Variants in RNGTT observed in about 807,000 individuals in gnomAD.
RNGTT encodes RNA guanylyltransferase and 5'-phosphatase.
RNGTT carries 33 observed loss-of-function variants against 79.3 expected under a neutral mutation model. The ratio of observed to expected loss-of-function variants is 0.42; its 90% CI spans 0.32 to 0.56. RNGTT has a LOEUF of 0.56. Ranked by LOEUF, RNGTT falls within the 20% of genes least tolerant of loss-of-function variation. The pLI is 0.17. For synonymous variants in RNGTT, 222 were observed against 235.9 expected (o/e 0.94, Z 0.54); for missense variants, 497 against 739.1 (o/e 0.67, Z 3.80).
intron 11 of RNGTT, among the ~76,000 whole-genome samples, chr6:88,828,688 C>T (rs1216059515): frequency 1.3e-5 from 2 of 151,644 alleles, no homozygotes; most frequent in African/African-American, 4.8e-5. Context: ...GTTTAGAGAA[C>T]ATACATGACC....
At chr6:88,701,589 T>C (rs1775947706) in intron 13 of RNGTT, among the ~76,000 whole-genome samples, 1 of 152,110 alleles carries the variant, frequency 6.6e-6, no homozygotes, top group Admixed American at 6.5e-5. Flanking sequence ...AATTTTATAT[T>C]ACATTGCTTT....
At chr6:88,654,404 A>AT (rs1468828193) in intron 14 of RNGTT, among the ~76,000 whole-genome samples, 2 of 151,810 alleles carry the variant, frequency 1.3e-5, no homozygotes, top group Admixed American at 6.6e-5. Flanking sequence ...TTTCTTTCTA[A>AT]TTTTTTCATC....
At chr6:88,891,729 G>A in intron 7 of RNGTT, 77 bp downstream of exon 7, 1 of 867,816 alleles carries the variant, frequency 1.2e-6, no homozygotes, top group East Asian at 3.0e-5. Context: ...AAGGAGCCAA[G>A]AAGATATGTC....
intron 13 of RNGTT, among the ~76,000 whole-genome samples, chr6:88,724,782 C>G (rs537652000): frequency 2.6e-5 from 4 of 152,122 alleles, no homozygotes; most frequent in Non-Finnish European, 5.9e-5. Flanking sequence ...CAACCTTTTT[C>G]GATTACCTGC....
chr6:88,682,156 TA>T (rs1359936913), intron 13 of RNGTT, among the ~76,000 whole-genome samples: 1 of 152,162 alleles, frequency 6.6e-6, no homozygotes, highest in Non-Finnish European at 1.5e-5. Flanking sequence ...GCTTTAAAAG[TA>T]AATTGAGTCT....
chr6:88,720,895 A>T (rs1163748001), intron 13 of RNGTT, among the ~76,000 whole-genome samples: 1 of 152,114 alleles, frequency 6.6e-6, no homozygotes, highest in Non-Finnish European at 1.5e-5. Flanking sequence ...TGTTAAGGAA[A>T]TCATCACACA....
intron 13 of RNGTT, among the ~76,000 whole-genome samples, chr6:88,736,647 T>A (rs9344850): frequency 3.9e-5 from 6 of 152,266 alleles, no homozygotes; most frequent in Non-Finnish European, 8.8e-5. Context: ...TGGCAAATTC[T>A]GTCTGTTCAT....
chr6:88,926,347 C>A (rs1336621204), intron 4 of RNGTT, among the ~76,000 whole-genome samples: 1 of 152,110 alleles, frequency 6.6e-6, no homozygotes, highest in Non-Finnish European at 1.5e-5. Flanking sequence ...TTTTCTTGCT[C>A]ATAACTTGCA....
At chr6:88,664,386 T>A (rs1473662497) in intron 14 of RNGTT, among the ~76,000 whole-genome samples, 1 of 152,066 alleles carries the variant, frequency 6.6e-6, no homozygotes, top group East Asian at 1.9e-4. Flanking sequence ...GCAGAGGATA[T>A]TAGGAGAAAG....
intron 4 of RNGTT, among the ~76,000 whole-genome samples, chr6:88,928,147 G>A (rs1419583274): frequency 6.6e-6 from 1 of 152,114 alleles, no homozygotes; most frequent in Non-Finnish European, 1.5e-5. Context: ...AGGAGTTCAA[G>A]GCTGCAGTGA....
At chr6:88,723,393 G>A (rs921416174) in intron 13 of RNGTT, among the ~76,000 whole-genome samples, 1 of 152,148 alleles carries the variant, frequency 6.6e-6, no homozygotes, top group Non-Finnish European at 1.5e-5. Context: ...AGCCCCCTCA[G>A]TACAACCCTA....
intron 13 of RNGTT, among the ~76,000 whole-genome samples, chr6:88,740,604 C>T (rs1489443415): frequency 1.3e-5 from 2 of 151,954 alleles, no homozygotes; most frequent in Non-Finnish European, 2.9e-5. Context: ...AGATCATGTC[C>T]TTTGCAGGGA....
In RNGTT at chr6:88,705,575, T is replaced by A. The variant is rs534530912; in HGVS notation, c.1440-27156A>T. Among the ~76,000 whole-genome samples the A allele has an allele frequency of 3.9e-5, 6 of 152,184 alleles. No homozygotes were observed. The East Asian group carries it at 1.2e-3, about 29-fold the overall frequency. On this transcript the variant is annotated intron_variant, in intron 13 of 15. Transcript: ENST00000369485. The stretch of plus-strand genomic sequence containing the variant: ...AATAGAAATATGTAATGAAGAAGCT[T>A]AACAGCTTCCTAAAATTCTTCCTTA...
At position 88,803,772 on chromosome 6, in the gene RNGTT, T is replaced by C. The variant is rs1448509252; in HGVS notation, c.1270-2140A>G. ...CAAGTTAACATGGTAGTTTCCATTC[T>C]TCAACCAAACTTCTCAAATTCATGT... On this transcript the variant is annotated intron_variant, in intron 11 of 15. Transcript: ENST00000369485. Among the ~76,000 whole-genome samples, 3 of 152,242 alleles carry C rather than the reference T, an allele frequency of 2.0e-5. No homozygotes were observed. In the East Asian group the frequency reaches 5.8e-4, roughly 29 times the overall value.
At chr6:88,781,981 G>T (rs1376139421) in intron 12 of RNGTT, among the ~76,000 whole-genome samples, 1 of 151,862 alleles carries the variant, frequency 6.6e-6, no homozygotes, top group Non-Finnish European at 1.5e-5. Flanking sequence ...AATCCATCTG[G>T]TTAGATGGTT....
chr6:88,806,763 A>T (rs1443287338), intron 11 of RNGTT, among the ~76,000 whole-genome samples: 1 of 152,220 alleles, frequency 6.6e-6, no homozygotes, highest in Non-Finnish European at 1.5e-5. Context: ...AAGGAATATA[A>T]ATCATTCTAT....
At chr6:88,897,097 C>T (rs1783277217) in intron 6 of RNGTT, among the ~76,000 whole-genome samples, 1 of 152,200 alleles carries the variant, frequency 6.6e-6, no homozygotes, top group Admixed American at 6.5e-5. Context: ...TTCACCAAGA[C>T]TAACAGTCCC....
intron 13 of RNGTT, among the ~76,000 whole-genome samples, chr6:88,688,963 T>C (rs553148799): frequency 2.6e-5 from 4 of 152,356 alleles, no homozygotes; most frequent in East Asian, 3.9e-4. Context: ...TATAAGAATA[T>C]AGTGTATAAC....
chr6:88,795,981 T>C (rs1779589260), intron 12 of RNGTT, among the ~76,000 whole-genome samples: 1 of 152,134 alleles, frequency 6.6e-6, no homozygotes, highest in African/African-American at 2.4e-5. Context: ...CATGAGCACA[T>C]ACAAGAAATG....
Sources: gnomAD v4.1 joint callset for allele counts (sites outside exome capture counted in the v4.1 genomes callset) on GRCh38, gnomAD v4.1.1 for gene constraint, MANE v1.5 for transcripts, NCBI Gene and HGNC (gene_info 2026-07-23, HGNC 2026-07-21) for gene names.